Variants in MARCHF8 observed in about 807,000 individuals in gnomAD.
MARCHF8 encodes E3 ubiquitin-protein ligase MARCHF8.
Under a neutral mutation model 51.6 loss-of-function variants are expected in MARCHF8, and 40 were observed. That is an observed-to-expected ratio of 0.77 (90% CI 0.60 to 1.01). The LOEUF (loss-of-function observed/expected upper bound fraction) is 1.01, where lower values mean the gene tolerates loss of function less well. MARCHF8 is among the 50% of genes least tolerant of loss of function. MARCHF8 has a pLI of 0.00. For synonymous variants in MARCHF8, 263 were observed against 280.3 expected (o/e 0.94, Z 0.62); for missense variants, 685 against 708.6 (o/e 0.97, Z 0.38).
At chr10:45,469,494 G>A (rs1247217148) in intron 3 of MARCHF8, among the ~76,000 whole-genome samples, 1 of 152,154 alleles carries the variant, frequency 6.6e-6, no homozygotes, top group Non-Finnish European at 1.5e-5. Flanking sequence ...GAATGTATCT[G>A]ACATAAAAAG....
chr10:45,514,864 C>G (rs1241294292), intron 2 of MARCHF8, among the ~76,000 whole-genome samples: 1 of 151,756 alleles, frequency 6.6e-6, no homozygotes, highest in Non-Finnish European at 1.5e-5. Flanking sequence ...AATTTTTTTC[C>G]CCACAAAACC....
intron 3 of MARCHF8, among the ~76,000 whole-genome samples, chr10:45,486,561 C>T (rs1435292110): frequency 6.6e-6 from 1 of 151,672 alleles, no homozygotes; most frequent in African/African-American, 2.4e-5. Flanking sequence ...GAGACTCTGT[C>T]TAAAAAAAAA....
At chr10:45,476,406 AT>A (rs1430575678) in intron 3 of MARCHF8, among the ~76,000 whole-genome samples, 1 of 152,110 alleles carries the variant, frequency 6.6e-6, no homozygotes, top group Non-Finnish European at 1.5e-5. Context: ...TCTATAAAAA[AT>A]ACAAATAAAA....
intron 3 of MARCHF8, among the ~76,000 whole-genome samples, chr10:45,475,547 C>T (rs909107484): frequency 6.6e-6 from 1 of 152,172 alleles, no homozygotes; most frequent in Non-Finnish European, 1.5e-5. Context: ...CTGCCATTAC[C>T]GCCACATCTA....
chr10:45,586,922 T>G (rs1442748804), intron 1 of MARCHF8, among the ~76,000 whole-genome samples: 1 of 152,132 alleles, frequency 6.6e-6, no homozygotes, highest in Non-Finnish European at 1.5e-5. Context: ...TTCTTTTCCT[T>G]AACATCTCCT....
At chr10:45,544,217 G>A (rs1210503725) in intron 1 of MARCHF8, among the ~76,000 whole-genome samples, 1 of 152,198 alleles carries the variant, frequency 6.6e-6, no homozygotes, top group Non-Finnish European at 1.5e-5. Context: ...CAAAAAGACA[G>A]TCAATACTAA....
chr10:45,463,217 C>T lies in MARCHF8; in HGVS notation c.1022G>A (p.Cys341Tyr). The T allele has an allele frequency of 6.4e-7, 1 of 1,550,758 alleles. No individual in the cohort carries two copies. The highest frequency in any genetic ancestry group is 8.7e-7 in the Non-Finnish European group (1 of 1,147,034). ...TAATTTTTCAGAGAAGGGAGAAGGA[C>T]AATCCAGGTCGCTGTCCTTTTCCGT... ...CSTEKDSDLDCPSPFSEKLPP... is the reference protein window; with the variant it reads ...CSTEKDSDLDYPSPFSEKLPP... Residue 341 changes from cysteine to tyrosine, a missense_variant, in exon 5 of 8, where the codon TGT becomes TAT. By Grantham distance (194) the Cys-to-Tyr change is radical. Transcript: ENST00000453424.
intron 2 of MARCHF8, among the ~76,000 whole-genome samples, chr10:45,503,113 G>T (rs2043311184): frequency 6.6e-6 from 1 of 152,162 alleles, no homozygotes; most frequent in African/African-American, 2.4e-5. Flanking sequence ...TGAGAAGTAT[G>T]TATTTTGTAA....
At chr10:45,584,165 A>C (rs1397904449) in intron 1 of MARCHF8, among the ~76,000 whole-genome samples, 2 of 113,694 alleles carry the variant, frequency 1.8e-5, no homozygotes, top group African/African-American at 3.3e-5. Flanking sequence ...ATATATATAT[A>C]TATCAAGAAA....
At chr10:45,494,168 A>G (rs2043132236) in intron 2 of MARCHF8, among the ~76,000 whole-genome samples, 1 of 152,222 alleles carries the variant, frequency 6.6e-6, no homozygotes, top group African/African-American at 2.4e-5. Context: ...CTGCTGAAGA[A>G]TAAGGCACAT....
intron 2 of MARCHF8, among the ~76,000 whole-genome samples, chr10:45,528,147 T>C (rs950198641): frequency 2.6e-5 from 4 of 152,128 alleles, no homozygotes; most frequent in Non-Finnish European, 5.9e-5. Context: ...AACATCATAC[T>C]GAATGGGGAA....
chr10:45,496,092 G>A (rs2043170564), intron 2 of MARCHF8, among the ~76,000 whole-genome samples: 1 of 151,978 alleles, frequency 6.6e-6, no homozygotes, highest in South Asian at 2.1e-4. Flanking sequence ...CTTCAAAAAT[G>A]AAGATGAAAA....
chr10:45,550,579 A>G (rs942772944), intron 1 of MARCHF8, among the ~76,000 whole-genome samples: 1 of 152,194 alleles, frequency 6.6e-6, no homozygotes, highest in African/African-American at 2.4e-5. Context: ...AGTAAACCAG[A>G]AAAACCAGAG....
chr10:45,499,084 C>T (rs1268751880), intron 2 of MARCHF8, among the ~76,000 whole-genome samples: 2 of 152,158 alleles, frequency 1.3e-5, no homozygotes, highest in African/African-American at 4.8e-5. Context: ...GCACAATCAG[C>T]GTTCCACTTT....
chr10:45,497,692 A>G (rs1158695900), intron 2 of MARCHF8, among the ~76,000 whole-genome samples: 1 of 152,218 alleles, frequency 6.6e-6, no homozygotes, highest in East Asian at 1.9e-4. Flanking sequence ...CCAGTAAATC[A>G]AAAAAGAACT....
intron 3 of MARCHF8, among the ~76,000 whole-genome samples, chr10:45,470,983 T>G (rs2042678772): frequency 6.6e-6 from 1 of 152,232 alleles, no homozygotes; most frequent in African/African-American, 2.4e-5. Context: ...GGCTTTTCTG[T>G]GGCTTGCTCT....
chr10:45,480,219 G>A (rs1354002273), intron 3 of MARCHF8, among the ~76,000 whole-genome samples: 1 of 152,194 alleles, frequency 6.6e-6, no homozygotes, highest in African/African-American at 2.4e-5. Context: ...CTTGGATGCT[G>A]TTAAAAACAT....
At chr10:45,521,343 A>G (rs1390477390) in intron 2 of MARCHF8, among the ~76,000 whole-genome samples, 3 of 152,348 alleles carry the variant, frequency 2.0e-5, no homozygotes, top group Non-Finnish European at 4.4e-5. Flanking sequence ...CCTTTGTTTG[A>G]TGACCTGATT....
rs561050436 is a variant in MARCHF8 at position 45,458,989 on chromosome 10, A to C, written c.1417+131T>G. Reference sequence around the variant, plus strand: ...CAAAAGAAATGCCAAAAAGGAGGCTAGTGCCTCCTAACTGATGTCCCTCCT... The same window carrying C: ...CAAAAGAAATGCCAAAAAGGAGGCTCGTGCCTCCTAACTGATGTCCCTCCT... On this transcript the variant is annotated intron_variant, in intron 7 of 7. Coordinates refer to ENST00000453424, the MANE Select transcript of MARCHF8 (RefSeq NM_001282866.2). The C allele has an allele frequency of 5.5e-5, 60 of 1,081,718 alleles. No individual in the cohort carries two copies. In the East Asian group the frequency reaches 1.5e-3, roughly 27 times the overall value. 67.0% of individuals were successfully genotyped at this position (1,081,718 alleles called of 1,614,324 possible). A position where few individuals can be genotyped will look rare whatever the true frequency, so the allele number is the denominator to read the frequency against.
Sources: allele counts gnomAD v4.1 joint callset (sites outside exome capture counted in the v4.1 genomes callset), GRCh38; gene constraint gnomAD v4.1.1; transcripts MANE v1.5; gene names NCBI Gene and HGNC (gene_info 2026-07-23, HGNC 2026-07-21).